The following SPON1 variants were observed in gnomAD, a reference collection of about 807,000 sequenced individuals.
SPON1 encodes the protein spondin 1.
In SPON1, 52 loss-of-function variants were observed where a neutral mutation model predicts 111.7. The ratio of observed to expected loss-of-function variants is 0.47; its 90% CI spans 0.37 to 0.59. The LOEUF is 0.59. Among genes scored for constraint, SPON1 ranks in the 20% least tolerant of loss-of-function variants. The probability of loss-of-function intolerance (pLI) is 0.00; values close to 1 mark genes in which losing one functional copy is unlikely to be tolerated. For synonymous variants in SPON1, 410 were observed against 395.8 expected (o/e 1.04, Z -0.43); for missense variants, 957 against 1,068.5 (o/e 0.90, Z 1.46).
Position 14,243,351 on chromosome 11 carries a change from T to C in SPON1, c.845T>C (p.Val282Ala). ...TTGCAGAGTGATGAGGTCCTCACCG[T>C]CATCAAAGCCAAAGCCCAATGGCCA... ...IRQQSDEVLT[V>A]IKAKAQWPAW... is the part of the protein sequence containing the mutation. The change falls in exon 7 of 16, where the codon GTC (valine) becomes GCC (alanine). Residue 282 changes from valine to alanine, a missense_variant. Physicochemically the swap from Val to Ala is moderately conservative, Grantham distance 64. Transcript: ENST00000576479. The C allele has an allele frequency of 6.3e-7, 1 of 1,585,138 alleles. No homozygotes were observed.
At chr11:14,159,273 G>A (rs1057209087) in intron 6 of SPON1, among the ~76,000 whole-genome samples, 21 of 151,948 alleles carry the variant, frequency 1.4e-4, no homozygotes, top group African/African-American at 4.4e-4. Context: ...AAGAAATTAC[G>A]GGAAAGGTGC....
chr11:14,004,407 C>A (rs1214066654), intron 2 of SPON1, among the ~76,000 whole-genome samples: 2 of 152,166 alleles, frequency 1.3e-5, no homozygotes, highest in African/African-American at 2.4e-5. Context: ...GAGGAACCTC[C>A]ATACCATTTT....
At chr11:14,007,782 C>T (rs911389815) in intron 2 of SPON1, among the ~76,000 whole-genome samples, 15 of 152,154 alleles carry the variant, frequency 9.9e-5, no homozygotes, top group African/African-American at 3.6e-4. Flanking sequence ...GACTCCTGCT[C>T]TAGGGACGAT....
intron 5 of SPON1, among the ~76,000 whole-genome samples, chr11:14,121,284 G>A (rs1169065181): frequency 6.6e-6 from 1 of 152,158 alleles, no homozygotes; most frequent in African/African-American, 2.4e-5. Context: ...TACATTAAAA[G>A]GGGTGAATAT....
At chr11:14,185,275 T>C (rs782801624) in intron 6 of SPON1, among the ~76,000 whole-genome samples, 1 of 152,256 alleles carries the variant, frequency 6.6e-6, no homozygotes, top group Non-Finnish European at 1.5e-5. Context: ...TTCATTACTA[T>C]TGGCTATAGA....
At chr11:14,094,849 G>A (rs1181358633) in intron 5 of SPON1, among the ~76,000 whole-genome samples, 1 of 152,198 alleles carries the variant, frequency 6.6e-6, no homozygotes, top group Non-Finnish European at 1.5e-5. Context: ...GTGGTGTGTG[G>A]GAGGATGCGC....
At chr11:13,976,648 A>G (rs1244792506) in intron 1 of SPON1, among the ~76,000 whole-genome samples, 2 of 152,240 alleles carry the variant, frequency 1.3e-5, no homozygotes, top group African/African-American at 2.4e-5. Flanking sequence ...GCAGATGTAC[A>G]AAAGTTGGGA....
In SPON1 at chr11:13,983,116, G is replaced by A. The variant is rs569667582; in HGVS notation, c.345+163G>A. 4.6e-5 allele frequency among the ~76,000 whole-genome samples: 7 copies of A among 152,348 alleles called. No homozygotes were observed. In the East Asian group the frequency reaches 5.8e-4, roughly 13 times the overall value. On this transcript the variant is annotated intron_variant, in intron 2 of 15. Transcript: ENST00000576479. ...CATCATGGAGCAAGCAGCAAATGCC[G>A]CACACCTATCTGAGCAAGGTTGGCC...
chr11:14,255,343 C>G (rs1053808212), intron 8 of SPON1, among the ~76,000 whole-genome samples: 12 of 152,200 alleles, frequency 7.9e-5, no homozygotes, highest in Non-Finnish European at 1.6e-4. Flanking sequence ...AATGCCGGGT[C>G]TATTAGAAAG....
chr11:13,997,233 C>G (rs1453088402), intron 2 of SPON1, among the ~76,000 whole-genome samples: 2 of 152,122 alleles, frequency 1.3e-5, no homozygotes, highest in Admixed American at 1.3e-4. Flanking sequence ...GAAAGTATTC[C>G]TATTTTCAGG....
chr11:14,068,218 G>A (rs552216201), intron 3 of SPON1, among the ~76,000 whole-genome samples: 10 of 152,314 alleles, frequency 6.6e-5, no homozygotes, highest in African/African-American at 2.2e-4. Context: ...TGAACAATAT[G>A]AGAGAAAATG....
intron 3 of SPON1, among the ~76,000 whole-genome samples, chr11:14,052,201 G>A (rs1253692926): frequency 6.6e-6 from 1 of 152,222 alleles, no homozygotes; most frequent in Non-Finnish European, 1.5e-5. Context: ...CAAGCCCAGG[G>A]AAACTGGCAA....
chr11:14,149,247 T>A (rs559791890), intron 6 of SPON1, among the ~76,000 whole-genome samples: 1 of 152,156 alleles, frequency 6.6e-6, no homozygotes, highest in Non-Finnish European at 1.5e-5. Flanking sequence ...CCTGACCCTG[T>A]AAAGGCTTAA....
chr11:14,045,346 G>T (rs554977227), intron 3 of SPON1, among the ~76,000 whole-genome samples: 28 of 152,214 alleles, frequency 1.8e-4, no homozygotes, highest in Non-Finnish European at 2.9e-5. Flanking sequence ...GAGCCGAGAG[G>T]GGGGCAGATC....
intron 6 of SPON1, among the ~76,000 whole-genome samples, chr11:14,137,387 T>G (rs1477602886): frequency 5.9e-5 from 9 of 152,146 alleles, no homozygotes; most frequent in Non-Finnish European, 8.8e-5. Context: ...CTGGCTAGTG[T>G]TTCAGACAAA....
chr11:14,060,959 A>C (rs994994837), intron 3 of SPON1, among the ~76,000 whole-genome samples: 5 of 150,118 alleles, frequency 3.3e-5, no homozygotes, highest in African/African-American at 1.2e-4. Context: ...AAAAAAAGGC[A>C]TAAATATGAG....
At chr11:14,013,756 G>A (rs1591350903) in intron 2 of SPON1, among the ~76,000 whole-genome samples, 4 of 152,246 alleles carry the variant, frequency 2.6e-5, no homozygotes, top group Admixed American at 2.6e-4. Context: ...GCTCTAGACT[G>A]GGTGCCCTGT....
At chr11:14,077,998 G>A (rs373735848) in intron 4 of SPON1, among the ~76,000 whole-genome samples, 3 of 152,116 alleles carry the variant, frequency 2.0e-5, no homozygotes, top group African/African-American at 4.8e-5. Context: ...GAGAGAGGGC[G>A]GCTCTGGAGA....
chr11:14,094,727 G>C (rs782502935), intron 5 of SPON1, among the ~76,000 whole-genome samples: 8 of 152,180 alleles, frequency 5.3e-5, no homozygotes, highest in Non-Finnish European at 1.0e-4. Flanking sequence ...AAATGAGGAA[G>C]GAAGAGAGTG....
Sources: gnomAD v4.1 joint callset for allele counts (sites outside exome capture counted in the v4.1 genomes callset) on GRCh38, gnomAD v4.1.1 for gene constraint, MANE v1.5 for transcripts, NCBI Gene and HGNC (gene_info 2026-07-23, HGNC 2026-07-21) for gene names.